NEBL: variants seen among roughly 807,000 people sequenced by gnomAD.
The protein encoded by NEBL is LIM and SH3 protein 2.
A neutral mutation model predicts 140.2 loss-of-function variants in NEBL; 122 were observed. The observed-to-expected ratio is 0.87, with a 90% CI of 0.75 to 1.01. The LOEUF is 1.01. Ranked by LOEUF, NEBL falls within the 50% of genes least tolerant of loss-of-function variation. The pLI is 0.00. For missense variants in NEBL, 1,365 were observed against 1,231.3 expected (o/e 1.11, Z -1.62); for synonymous variants, 436 against 398.9 (o/e 1.09, Z -1.11).
intron 3 of NEBL, among the ~76,000 whole-genome samples, chr10:21,185,365 C>T (rs1419317840): frequency 6.6e-6 from 1 of 152,018 alleles, no homozygotes; most frequent in Non-Finnish European, 1.5e-5. Flanking sequence ...ATTTCTGGAA[C>T]TCCTGGGGGT....
At chr10:20,833,233 T>A (rs1269756367) in intron 14 of NEBL, among the ~76,000 whole-genome samples, 1 of 152,198 alleles carries the variant, frequency 6.6e-6, no homozygotes, top group East Asian at 1.9e-4. Context: ...AGTGTGTTTA[T>A]AGTCTGAGTC....
intron 3 of NEBL, among the ~76,000 whole-genome samples, chr10:21,225,950 A>T (rs1339580748): frequency 6.6e-6 from 1 of 152,080 alleles, no homozygotes; most frequent in Non-Finnish European, 1.5e-5. Flanking sequence ...CTCAAACAGA[A>T]GGAATCTCTC....
chr10:21,230,027 T>C (rs1468093147), intron 3 of NEBL, among the ~76,000 whole-genome samples: 2 of 152,224 alleles, frequency 1.3e-5, no homozygotes, highest in African/African-American at 2.4e-5. Context: ...CTCCAGTTCA[T>C]GGTTCATCAG....
At chr10:21,188,668 C>A (rs1180555702) in intron 3 of NEBL, among the ~76,000 whole-genome samples, 1 of 145,028 alleles carries the variant, frequency 6.9e-6, no homozygotes, top group African/African-American at 2.6e-5. Flanking sequence ...TGGCACAATT[C>A]CAGCTCACTG....
intron 3 of NEBL, among the ~76,000 whole-genome samples, chr10:21,230,128 C>T (rs2132253991): frequency 6.6e-6 from 1 of 152,176 alleles, no homozygotes; most frequent in South Asian, 2.1e-4. Flanking sequence ...TTTGACAGCC[C>T]ATAAAAATAA....
At chr10:20,834,331 G>C (rs370991757) in intron 14 of NEBL, among the ~76,000 whole-genome samples, 176 of 152,258 alleles carry the variant, frequency 1.2e-3, no homozygotes, top group African/African-American at 4.0e-3. Context: ...CTCAGGACGA[G>C]AACAGAAGTA....
intron 3 of NEBL, among the ~76,000 whole-genome samples, chr10:20,962,321 C>A (rs1244751528): frequency 6.6e-6 from 1 of 152,192 alleles, no homozygotes; most frequent in Non-Finnish European, 1.5e-5. Context: ...AGTTTTTATT[C>A]AACTTCAGAA....
At chr10:20,814,777 T>C (rs971125597) in intron 22 of NEBL, among the ~76,000 whole-genome samples, 1 of 152,236 alleles carries the variant, frequency 6.6e-6, no homozygotes, top group Non-Finnish European at 1.5e-5. Context: ...TATTTCTTTT[T>C]ATTTTTTTCT....
intron 16 of NEBL, 149 bp from the exon 17 acceptor site, chr10:20,828,783 G>T: frequency 1.6e-6 from 1 of 620,794 alleles, no homozygotes; most frequent in Non-Finnish European, 2.9e-6. Flanking sequence ...GAGAGAGAGA[G>T]GTGGAGAGAC....
chr10:21,191,308 TA>T (rs1461880943), intron 3 of NEBL, among the ~76,000 whole-genome samples: 4 of 152,216 alleles, frequency 2.6e-5, no homozygotes, highest in Non-Finnish European at 4.4e-5. Context: ...AGTATTATGA[TA>T]ACCCCATTTT....
intron 3 of NEBL, among the ~76,000 whole-genome samples, chr10:20,990,207 A>T (rs987536821): frequency 1.3e-5 from 2 of 152,214 alleles, no homozygotes; most frequent in African/African-American, 4.8e-5. Flanking sequence ...AATAGCAGCC[A>T]ATAAACTTTA....
intron 3 of NEBL, among the ~76,000 whole-genome samples, chr10:20,968,935 T>C (rs1201585091): frequency 6.6e-6 from 1 of 152,232 alleles, no homozygotes; most frequent in African/African-American, 2.4e-5. Context: ...CATCATCTTA[T>C]ATCTTTCCAC....
intron 2 of NEBL, among the ~76,000 whole-genome samples, chr10:21,033,199 A>G (rs1411311386): frequency 6.6e-6 from 1 of 152,194 alleles, no homozygotes; most frequent in East Asian, 1.9e-4. Flanking sequence ...AGAGAAACAC[A>G]CGCAGATTTG....
intron 3 of NEBL, among the ~76,000 whole-genome samples, chr10:21,233,921 T>C (rs1485570889): frequency 7.0e-6 from 1 of 141,852 alleles, no homozygotes; most frequent in East Asian, 2.0e-4. Context: ...TATATGGATA[T>C]ATATTACATA....
intron 2 of NEBL, among the ~76,000 whole-genome samples, chr10:21,053,895 T>C (rs1208892194): frequency 2.0e-5 from 3 of 152,088 alleles, no homozygotes; most frequent in Admixed American, 6.6e-5. Flanking sequence ...TAGCCAGGCA[T>C]GGTGGTTCGC....
At chr10:20,837,225 C>T (rs1840987784) in intron 13 of NEBL, among the ~76,000 whole-genome samples, 1 of 152,104 alleles carries the variant, frequency 6.6e-6, no homozygotes, top group African/African-American at 2.4e-5. Context: ...TTGTGAATGC[C>T]AAGGAAAAGT....
At chr10:21,187,562 G>A (rs937904436) in intron 3 of NEBL, among the ~76,000 whole-genome samples, 11 of 151,776 alleles carry the variant, frequency 7.2e-5, no homozygotes, top group East Asian at 1.9e-4. Flanking sequence ...CACCCAGGCC[G>A]GAATGCAGTA....
chr10:21,164,318 G>A lies in NEBL; in HGVS notation c.164+8065C>T, dbSNP rs993510216. On this transcript the variant is annotated intron_variant, in intron 2 of 6. Coordinates refer to the NEBL transcript ENST00000417816. ...AGACTTAAAGGAGTTCTAAGCCCTC[G>A]AGGACAAGGGTGTCATGCATGGCTA... Among the ~76,000 whole-genome samples, 20 of 152,064 alleles carry A rather than the reference G, an allele frequency of 1.3e-4. No individual in the cohort carries two copies. In the East Asian group the frequency reaches 1.3e-3, roughly 10 times the overall value.
At chr10:20,870,230 G>A (rs1203658457) in intron 5 of NEBL, among the ~76,000 whole-genome samples, 1 of 147,674 alleles carries the variant, frequency 6.8e-6, no homozygotes, top group Admixed American at 7.0e-5. Flanking sequence ...GGAGGCTGAG[G>A]AAGGAAAATC....
Sources: gnomAD v4.1 joint callset for allele counts (sites outside exome capture counted in the v4.1 genomes callset) on GRCh38, gnomAD v4.1.1 for gene constraint, MANE v1.5 for transcripts, NCBI Gene and HGNC (gene_info 2026-07-23, HGNC 2026-07-21) for gene names.